Variants in PTPRN2 observed in about 807,000 individuals in gnomAD.
The protein encoded by PTPRN2 is protein tyrosine phosphatase receptor type N2, also known as receptor-type tyrosine-protein phosphatase N2.
In PTPRN2, 74 loss-of-function variants were observed where a neutral mutation model predicts 118.8. The observed-to-expected ratio is 0.62, with a 90% CI of 0.52 to 0.76. PTPRN2 has a LOEUF of 0.76. Ranked by LOEUF, PTPRN2 falls within the 30% of genes least tolerant of loss-of-function variation. The pLI is 0.00. For synonymous variants in PTPRN2, 641 were observed against 608.0 expected, an observed-to-expected ratio of 1.05 and a Z score of -0.80; for missense variants, 1,481 against 1,394.4, an observed-to-expected ratio of 1.06 and a Z score of -0.99.
intron 4 of PTPRN2, among the ~76,000 whole-genome samples, chr7:158,199,219 C>G (rs1826442347): frequency 6.6e-6 from 1 of 152,048 alleles, no homozygotes; most frequent in Admixed American, 6.5e-5. Context: ...TCTCTTAGCC[C>G]TTAGCGTGTT....
intron 11 of PTPRN2, among the ~76,000 whole-genome samples, chr7:157,970,216 C>T (rs1802223723): frequency 6.6e-6 from 1 of 152,212 alleles, no homozygotes; most frequent in Non-Finnish European, 1.5e-5. Flanking sequence ...ATATACTTGC[C>T]ACCTTTGCCC....
intron 12 of PTPRN2, among the ~76,000 whole-genome samples, chr7:157,712,489 G>C (rs571642918): frequency 3.3e-5 from 5 of 152,140 alleles, no homozygotes; most frequent in Admixed American, 3.3e-4. Context: ...GGTGGCTCAC[G>C]CCTGTAATCC....
At chr7:158,538,745 G>T (rs773200232) in intron 1 of PTPRN2, among the ~76,000 whole-genome samples, 1 of 152,190 alleles carries the variant, frequency 6.6e-6, no homozygotes, top group Non-Finnish European at 1.5e-5. Context: ...ACCACGGGGC[G>T]GGAAGAGGAA....
chr7:157,689,368 C>T (rs1411066593), intron 12 of PTPRN2, among the ~76,000 whole-genome samples: 2 of 152,180 alleles, frequency 1.3e-5, no homozygotes, highest in Non-Finnish European at 2.9e-5. Flanking sequence ...GGGGGCGGGA[C>T]CACGTCCGGG....
At chr7:158,070,477 G>T (rs1342002025) in intron 11 of PTPRN2, among the ~76,000 whole-genome samples, 133 of 142,478 alleles carry the variant, frequency 9.3e-4, no homozygotes, top group African/African-American at 3.4e-3. Context: ...TGGTGGTGGA[G>T]GTGCTCCTGG....
At chr7:157,652,598 C>T (rs1805736809) in intron 14 of PTPRN2, among the ~76,000 whole-genome samples, 1 of 152,090 alleles carries the variant, frequency 6.6e-6, no homozygotes, top group Non-Finnish European at 1.5e-5. Context: ...GTGGCCCCTT[C>T]CCCGGGGGTC....
At chr7:158,513,094 G>A (rs367940332) in intron 1 of PTPRN2, among the ~76,000 whole-genome samples, 7 of 152,082 alleles carry the variant, frequency 4.6e-5, no homozygotes, top group African/African-American at 1.2e-4. Flanking sequence ...AGAGGGAAGC[G>A]GGGTGAGGGG....
rs68090129 is a variant in PTPRN2, at chr7:158,468,947, ACC to A, written c.163+20786_163+20787del. 5.8e-4 allele frequency among the ~76,000 whole-genome samples: 60 copies of A among 103,016 alleles called. 1 individual carries two copies. The highest frequency in any genetic ancestry group is 8.2e-4 in the Admixed American group (8 of 9,802). 67.6% of individuals were successfully genotyped at this position (103,016 alleles called of 152,430 possible). A position where few individuals can be genotyped will look rare whatever the true frequency, so the allele number is the denominator to read the frequency against. On this transcript the variant is annotated intron_variant, in intron 2 of 22. Coordinates refer to ENST00000389418, the MANE Select transcript of PTPRN2 (RefSeq NM_002847.5). ...CTCCTGGTGGATCAACAGTAGGCAC[ACC>A]CACACACACTCCGGGTGGATCAACA...
At chr7:158,377,190 G>A (rs1472276971) in intron 2 of PTPRN2, among the ~76,000 whole-genome samples, 1 of 53,298 alleles carries the variant, frequency 1.9e-5, no homozygotes, top group African/African-American at 8.0e-5. Flanking sequence ...CCTGTCACAC[G>A]TCCTGAGAGG....
chr7:158,041,776 G>A (rs577145563), intron 11 of PTPRN2, among the ~76,000 whole-genome samples: 6 of 152,264 alleles, frequency 3.9e-5, no homozygotes, highest in African/African-American at 9.6e-5. Context: ...CCAAAAAAGC[G>A]AAACGAGTAT....
intron 11 of PTPRN2, among the ~76,000 whole-genome samples, chr7:158,067,112 AT>A (rs1810834190): frequency 1.3e-5 from 2 of 152,346 alleles, no homozygotes; most frequent in Middle Eastern, 3.4e-3. Flanking sequence ...TCAGGTTACT[AT>A]GGCCACAGGA....
chr7:158,189,050 G>A (rs568653074), intron 5 of PTPRN2, among the ~76,000 whole-genome samples: 103 of 152,150 alleles, frequency 6.8e-4, no homozygotes, highest in Non-Finnish European at 1.5e-3. Flanking sequence ...GGGCTGCTAT[G>A]AGCCATCTCA....
chr7:158,431,416 T>C (rs1816169021), intron 2 of PTPRN2, among the ~76,000 whole-genome samples: 2 of 101,684 alleles, frequency 2.0e-5, no homozygotes, highest in East Asian at 3.1e-4. Flanking sequence ...TGGCTCACAC[T>C]GGGCACACTG....
At chr7:157,836,310 G>A (rs1807928484) in intron 12 of PTPRN2, among the ~76,000 whole-genome samples, 2 of 152,230 alleles carry the variant, frequency 1.3e-5, no homozygotes, top group South Asian at 4.1e-4. Flanking sequence ...GGAGATATTA[G>A]TTCAACTGGA....
At chr7:158,431,799 C>T (rs919370543) in intron 2 of PTPRN2, among the ~76,000 whole-genome samples, 15 of 150,860 alleles carry the variant, frequency 9.9e-5, no homozygotes, top group African/African-American at 1.9e-4. Flanking sequence ...TGGCTCACAC[C>T]GGGCACACAC....
At chr7:158,344,504 T>C (rs1807339796) in intron 2 of PTPRN2, among the ~76,000 whole-genome samples, 1 of 149,906 alleles carries the variant, frequency 6.7e-6, no homozygotes, top group Non-Finnish European at 1.5e-5. Context: ...ATGCTAATTA[T>C]ACTCGCCGGC....
At chr7:158,054,720 C>T (rs1168122261) in intron 11 of PTPRN2, among the ~76,000 whole-genome samples, 5 of 152,240 alleles carry the variant, frequency 3.3e-5, no homozygotes, top group Non-Finnish European at 5.9e-5. Flanking sequence ...CCTCCACCTA[C>T]CCCAAACCAA....
chr7:157,637,236 A>G (rs533619478), intron 14 of PTPRN2, among the ~76,000 whole-genome samples: 2 of 152,354 alleles, frequency 1.3e-5, no homozygotes, highest in Non-Finnish European at 2.9e-5. Context: ...CTTGGATTCC[A>G]AACAGATCAT....
chr7:158,052,040 T>C (rs1186407598), intron 11 of PTPRN2, among the ~76,000 whole-genome samples: 1 of 152,210 alleles, frequency 6.6e-6, no homozygotes, highest in Non-Finnish European at 1.5e-5. Context: ...CCCATCTGCA[T>C]AGGAGGCTGC....
Sources: allele counts gnomAD v4.1 joint callset (sites outside exome capture counted in the v4.1 genomes callset), GRCh38; gene constraint gnomAD v4.1.1; transcripts MANE v1.5; gene names NCBI Gene and HGNC (gene_info 2026-07-23, HGNC 2026-07-21).